The following DGCR2 variants were observed in gnomAD, a reference collection of about 807,000 sequenced individuals.
The protein encoded by DGCR2 is DiGeorge syndrome critical region gene 2, also known as integral membrane protein DGCR2/IDD.
DGCR2 carries 24 observed loss-of-function variants against 51.6 expected under a neutral mutation model. The observed-to-expected ratio is 0.47, with a 90% confidence interval of 0.34 to 0.65. DGCR2 has a LOEUF of 0.65. Ranked by LOEUF, DGCR2 falls within the 30% of genes least tolerant of loss-of-function variation. DGCR2 has a pLI of 0.01. For missense variants in DGCR2, 765 were observed against 772.1 expected, an observed-to-expected ratio of 0.99 and a Z score of 0.11; for synonymous variants, 340 against 315.4, an observed-to-expected ratio of 1.08 and a Z score of -0.82.
Position 19,038,928 on chromosome 22 carries a change from T to C in DGCR2, c.1590A>G (p.Pro530=). 1 of 1,612,728 alleles carries C rather than the reference T, an allele frequency of 6.2e-7. No homozygotes were observed. Among genetic ancestry groups the C allele is most frequent in the Non-Finnish European group, 8.5e-7 (1 of 1,179,866 alleles). The stretch of plus-strand genomic sequence containing the variant: ...CACCCCCTGGCAGTGCCTCTGCAGC[T>C]GGGGTGCTCCCGCTCTGGGCAGGGT... ...PPDPAQSGST[P]AAEALPGGGR... Residue 530 remains proline (P), a synonymous_variant, in exon 10 of 10, where the codon CCA becomes CCG. Transcript: ENST00000263196.
At chr22:19,110,166 C>T (rs1370673431) in intron 1 of DGCR2, among the ~76,000 whole-genome samples, 2 of 152,182 alleles carry the variant, frequency 1.3e-5, no homozygotes, top group South Asian at 2.1e-4. Context: ...ATTTAACACA[C>T]GAAAAACTCT....
intron 2 of DGCR2, among the ~76,000 whole-genome samples, chr22:19,076,931 C>T (rs1427377505): frequency 6.6e-6 from 1 of 151,762 alleles, no homozygotes; most frequent in Non-Finnish European, 1.5e-5. Context: ...GGGGTTTCAC[C>T]GTGTTAGCCA....
chr22:19,106,555 C>T (rs770386802), intron 1 of DGCR2, among the ~76,000 whole-genome samples: 3 of 152,174 alleles, frequency 2.0e-5, no homozygotes, highest in Admixed American at 6.5e-5. Context: ...CGGCTCCTCA[C>T]CCATGAGGGC....
At chr22:19,043,884 G>A (rs761309339) in intron 7 of DGCR2, among the ~76,000 whole-genome samples, 10 of 152,124 alleles carry the variant, frequency 6.6e-5, no homozygotes, top group East Asian at 5.8e-4. Flanking sequence ...TTTTGCTGAC[G>A]ACACATGAAG....
chr22:19,095,634 C>G (rs1286962549), intron 1 of DGCR2, among the ~76,000 whole-genome samples: 1 of 146,224 alleles, frequency 6.8e-6, no homozygotes, highest in African/African-American at 2.5e-5. Context: ...GCCCTCCAGC[C>G]TGGGCAACAG....
rs117978991 is a variant in DGCR2, at chr22:19,049,242, T to C, written c.803-599A>G. 2.5e-3 allele frequency among the ~76,000 whole-genome samples: 385 copies of C among 152,250 alleles called. 21 individuals carry two copies. The East Asian group carries it at 0.07, about 28-fold the overall frequency. ...AGAATGTGTGTAAGGAAGCTGCCAG[T>C]TCTGCTTGGGAAGGCAGTCCACTGG... On this transcript the variant is annotated intron_variant, in intron 6 of 9. Transcript: ENST00000263196.
At chr22:19,105,214 T>C (rs945175611) in intron 1 of DGCR2, among the ~76,000 whole-genome samples, 3 of 151,998 alleles carry the variant, frequency 2.0e-5, no homozygotes, top group African/African-American at 7.2e-5. Context: ...TCTCAGCTAC[T>C]TGGGAGGCTG....
chr22:19,105,536 T>G (rs180716503), intron 1 of DGCR2, among the ~76,000 whole-genome samples: 17 of 152,298 alleles, frequency 1.1e-4, no homozygotes, highest in Admixed American at 1.0e-3. Context: ...GCACCCATTC[T>G]GAACAGGTGC....
At chr22:19,098,706 G>C (rs1274341909) in intron 1 of DGCR2, among the ~76,000 whole-genome samples, 1 of 152,130 alleles carries the variant, frequency 6.6e-6, no homozygotes, top group Admixed American at 6.5e-5. Context: ...TCTTGCCCCA[G>C]ACTCCCAAGT....
chr22:19,098,531 G>A (rs1172737611), intron 1 of DGCR2, among the ~76,000 whole-genome samples: 2 of 152,182 alleles, frequency 1.3e-5, no homozygotes, highest in Non-Finnish European at 2.9e-5. Flanking sequence ...GCCAGTTGCA[G>A]GTATAGTTTG....
At chr22:19,042,967 C>G in intron 7 of DGCR2, among the ~76,000 whole-genome samples, 1 of 150,966 alleles carries the variant, frequency 6.6e-6, no homozygotes, top group Middle Eastern at 3.4e-3. Flanking sequence ...AACACTGGGT[C>G]TCACAGGCTC....
Position 19,057,940 on chromosome 22 carries a change from C to A in DGCR2, c.626-778G>T, listed in dbSNP as rs763205022. On this transcript the variant is annotated intron_variant, in intron 5 of 9. Transcript: ENST00000263196. This position sits in a 1 kb window ranked among gnomAD's most constrained non-coding sequence, Gnocchi z 5.1. ...CTCTCCCCTGCACGGCCCTTCCAGT[C>A]TGGGCTGCCAAGATTCCTTGAGGCT... Among the ~76,000 whole-genome samples the A allele has an allele frequency of 1.3e-5, 2 of 152,130 alleles. No homozygotes were observed. Among genetic ancestry groups the A allele is most frequent in the Non-Finnish European group, 1.5e-5 (1 of 68,004 alleles).
At chr22:19,059,395 G>A (rs1013115399) in intron 5 of DGCR2, among the ~76,000 whole-genome samples, 13 of 151,952 alleles carry the variant, frequency 8.6e-5, no homozygotes, top group Admixed American at 2.6e-4. Context: ...GAGGCTTCCC[G>A]ATACTGCACT....
chr22:19,064,296 G>A (rs1373562644), intron 4 of DGCR2, among the ~76,000 whole-genome samples: 1 of 152,202 alleles, frequency 6.6e-6, no homozygotes, highest in Non-Finnish European at 1.5e-5. Flanking sequence ...TCCTCATGGG[G>A]TTAGTACAAC....
intron 1 of DGCR2, among the ~76,000 whole-genome samples, chr22:19,099,637 CAGT>C: frequency 6.6e-6 from 1 of 152,102 alleles, no homozygotes; most frequent in East Asian, 1.9e-4. Context: ...CTCTGTAAAG[CAGT>C]AAGTGCAACT....
At position 19,064,828 on chromosome 22, in the gene DGCR2, G is replaced by T; in HGVS notation, c.548+20C>A. The T allele has an allele frequency of 6.2e-7, 1 of 1,607,974 alleles. No homozygotes were observed. The highest frequency in any genetic ancestry group is 8.5e-7 in the Non-Finnish European group (1 of 1,176,018). On this transcript the variant is annotated intron_variant, in intron 4 of 9. Coordinates refer to ENST00000263196, the MANE Select transcript of DGCR2 (RefSeq NM_005137.3). ...TCAGACTCTGACTCCAGCCCCTCAG[G>T]TCCCCAATCCAGGACTCACTTGCGC...
intron 5 of DGCR2, among the ~76,000 whole-genome samples, chr22:19,062,784 C>CTCTTCTCTCTTCTCTCT (rs2082690598): frequency 2.1e-5 from 3 of 140,458 alleles, no homozygotes; most frequent in Non-Finnish European, 4.7e-5. Flanking sequence ...TGCTCACTCT[C>CTCTTCTCTCTTCTCTCT]TCTCTCTCTC....
intron 7 of DGCR2, chr22:19,048,164 T>C: frequency 1.9e-6 from 1 of 523,254 alleles, no homozygotes; most frequent in Admixed American, 3.3e-5. Flanking sequence ...AGTGGTGACT[T>C]GTGAACAAAC....
intron 2 of DGCR2, among the ~76,000 whole-genome samples, chr22:19,074,920 G>A (rs2082858181): frequency 1.3e-5 from 2 of 152,060 alleles, no homozygotes; most frequent in South Asian, 4.1e-4. Context: ...CATTACCAAC[G>A]TGCTGCAGCT....
Sources: gnomAD v4.1 joint callset for allele counts (sites outside exome capture counted in the v4.1 genomes callset) on GRCh38, gnomAD v4.1.1 for gene constraint, Gnocchi (gnomAD v3.1) non-coding constraint, MANE v1.5 for transcripts, NCBI Gene and HGNC (gene_info 2026-07-23, HGNC 2026-07-21) for gene names.